THSD4: variants seen among roughly 807,000 people sequenced by gnomAD.
The protein encoded by THSD4 is thrombospondin type 1 domain containing 4, also known as thrombospondin type-1 domain-containing protein 4.
A neutral mutation model predicts 119.0 loss-of-function variants in THSD4; 69 were observed. That is an observed-to-expected ratio of 0.58 (90% CI 0.48 to 0.71). The LOEUF is 0.71. Among genes scored for constraint, THSD4 ranks in the 30% least tolerant of loss-of-function variants. The pLI, the probability that THSD4 is intolerant of heterozygous loss-of-function variation, is 0.00. For missense variants in THSD4, 1,393 were observed against 1,391.1 expected (o/e 1.00, Z -0.02); for synonymous variants, 524 against 540.4 (o/e 0.97, Z 0.42).
intron 3 of THSD4, among the ~76,000 whole-genome samples, chr15:71,201,332 T>A (rs1246025842): frequency 3.9e-5 from 6 of 152,210 alleles, no homozygotes; most frequent in Non-Finnish European, 8.8e-5. Flanking sequence ...AAAATGAGGA[T>A]GATATTGATC....
intron 7 of THSD4, among the ~76,000 whole-genome samples, chr15:71,629,822 A>AT (rs1282865174): frequency 6.6e-6 from 1 of 151,892 alleles, no homozygotes; most frequent in Non-Finnish European, 1.5e-5. Context: ...CTTTTTTCTC[A>AT]TTTGGGATGC....
chr15:71,415,754 T>G (rs965175006), intron 7 of THSD4, among the ~76,000 whole-genome samples: 2 of 152,208 alleles, frequency 1.3e-5, no homozygotes, highest in Non-Finnish European at 2.9e-5. Context: ...TGTTTTAATT[T>G]TTGGCTTCCA....
chr15:71,368,784 A>G (rs1357313344), intron 6 of THSD4, among the ~76,000 whole-genome samples: 1 of 152,136 alleles, frequency 6.6e-6, no homozygotes, highest in African/African-American at 2.4e-5. Context: ...TTTTGGTTCC[A>G]TATGAACTTT....
At chr15:71,625,547 T>C (rs892321798) in intron 7 of THSD4, among the ~76,000 whole-genome samples, 4 of 152,202 alleles carry the variant, frequency 2.6e-5, no homozygotes, top group African/African-American at 4.8e-5. Context: ...CTAGAGACTA[T>C]GATAAATCTC....
chr15:71,622,963 T>C (rs796113826), intron 7 of THSD4, among the ~76,000 whole-genome samples: 4 of 152,236 alleles, frequency 2.6e-5, no homozygotes, highest in African/African-American at 9.6e-5. Flanking sequence ...GAGTGAGCCA[T>C]GTTCCAAGGA....
At chr15:71,547,714 C>G (rs1375953579) in intron 7 of THSD4, 1 of 429,704 alleles carries the variant, frequency 2.3e-6, no homozygotes, top group East Asian at 4.6e-5. Context: ...AGTTGCCACA[C>G]TGGGAAGTTG....
chr15:71,629,626 C>T (rs986145887), intron 7 of THSD4, among the ~76,000 whole-genome samples: 6 of 152,100 alleles, frequency 3.9e-5, no homozygotes, highest in Admixed American at 1.3e-4. Flanking sequence ...TGCTCAGGCC[C>T]CCTGGTTGTT....
chr15:71,656,381 CATT>C (rs1449881105), intron 7 of THSD4, among the ~76,000 whole-genome samples: 2 of 152,014 alleles, frequency 1.3e-5, no homozygotes, highest in East Asian at 1.9e-4. Flanking sequence ...CAAAATAAAA[CATT>C]ATAACAATAA....
chr15:71,444,272 G>A (rs933084453), intron 7 of THSD4, among the ~76,000 whole-genome samples: 1 of 152,178 alleles, frequency 6.6e-6, no homozygotes, highest in African/African-American at 2.4e-5. Context: ...ATTTGGACAG[G>A]ATCACTGCTA....
intron 7 of THSD4, among the ~76,000 whole-genome samples, chr15:71,488,064 T>C (rs1250792559): frequency 6.6e-6 from 1 of 152,206 alleles, no homozygotes; most frequent in Non-Finnish European, 1.5e-5. Context: ...AGTGAAATCC[T>C]TGTCCTGCTC....
At chr15:71,501,117 T>C (rs796948589) in intron 7 of THSD4, among the ~76,000 whole-genome samples, 5 of 152,240 alleles carry the variant, frequency 3.3e-5, no homozygotes, top group African/African-American at 1.2e-4. Flanking sequence ...GAACATGATA[T>C]GTCTTTCCGT....
intron 7 of THSD4, among the ~76,000 whole-genome samples, chr15:71,610,015 C>T (rs1006771377): frequency 1.3e-5 from 2 of 152,060 alleles, no homozygotes; most frequent in East Asian, 1.9e-4. Context: ...GCATGGAATC[C>T]GAGACTGTCA....
At chr15:71,233,309 ACAG>A (rs1184888361) in intron 4 of THSD4, among the ~76,000 whole-genome samples, 1 of 152,226 alleles carries the variant, frequency 6.6e-6, no homozygotes, top group African/African-American at 2.4e-5. Context: ...CTCTGCTTAC[ACAG>A]CAGTATGAAA....
intron 15 of THSD4, 61 bp downstream of exon 15, chr15:71,758,136 G>A: frequency 6.7e-7 from 1 of 1,488,406 alleles, no homozygotes; most frequent in Non-Finnish European, 9.0e-7. Context: ...TACCAGAGGG[G>A]TTAGGAACCA....
chr15:71,567,454 A>G (rs1258519651), intron 7 of THSD4, among the ~76,000 whole-genome samples: 1 of 152,214 alleles, frequency 6.6e-6, no homozygotes. Context: ...TCAGTGAAGC[A>G]CACACCTCAG....
At chr15:71,268,495 G>C (rs1269448874) in intron 6 of THSD4, among the ~76,000 whole-genome samples, 1 of 152,110 alleles carries the variant, frequency 6.6e-6, no homozygotes. Flanking sequence ...ATGCCCATAG[G>C]AGAAAGCAGG....
chr15:71,227,253 C>G (rs2044025008), intron 4 of THSD4, among the ~76,000 whole-genome samples: 1 of 152,174 alleles, frequency 6.6e-6, no homozygotes, highest in East Asian at 1.9e-4. Context: ...GAACAAAGAT[C>G]ACATTCGCCG....
chr15:71,585,603 C>T (rs929877877), intron 7 of THSD4, among the ~76,000 whole-genome samples: 2 of 152,148 alleles, frequency 1.3e-5, no homozygotes, highest in Non-Finnish European at 2.9e-5. Flanking sequence ...GCATCATGGA[C>T]CTGGATGCTG....
intron 7 of THSD4, among the ~76,000 whole-genome samples, chr15:71,641,219 A>T (rs1344628406): frequency 1.3e-5 from 2 of 152,146 alleles, no homozygotes; most frequent in African/African-American, 4.8e-5. Context: ...TGAGGGAGGC[A>T]TTCCCTAAGG....
Sources: gnomAD v4.1 joint callset for allele counts (sites outside exome capture counted in the v4.1 genomes callset) on GRCh38, gnomAD v4.1.1 for gene constraint, MANE v1.5 for transcripts, NCBI Gene and HGNC (gene_info 2026-07-23, HGNC 2026-07-21) for gene names.